The following NTM variants were observed in gnomAD, a reference collection of about 807,000 sequenced individuals.
The protein encoded by NTM is neurotrimin, also known as IgLON family member 2.
NTM carries 13 observed loss-of-function variants against 42.1 expected under a neutral mutation model. The ratio of observed to expected loss-of-function variants is 0.31; its 90% CI spans 0.20 to 0.49. The LOEUF is 0.49. Ranked by LOEUF, NTM falls within the 20% of genes least tolerant of loss-of-function variation. The pLI is 0.99. For missense variants in NTM, 373 were observed against 452.8 expected (o/e 0.82, Z 1.60); for synonymous variants, 187 against 179.2 (o/e 1.04, Z -0.35).
intron 1 of NTM, among the ~76,000 whole-genome samples, chr11:131,861,379 C>T (rs896855231): frequency 2.6e-5 from 4 of 152,184 alleles, no homozygotes; most frequent in African/African-American, 9.7e-5. Context: ...GGCCCCTCCC[C>T]CTCCCTGGGA....
rs55988054 is a variant in NTM at position 132,074,540 on chromosome 11, CTT to C, written c.168-71732_168-71731del. 2.6e-4 allele frequency among the ~76,000 whole-genome samples: 38 copies of C among 147,884 alleles called. 1 individual carries two copies. The highest frequency in any genetic ancestry group is 3.5e-3 in the Middle Eastern group (1 of 282). On this transcript the variant is annotated intron_variant, in intron 2 of 8. Transcript: ENST00000683400. ...TAGCTGCTTGTTGATTTAATAACAGCTTTTTTTTTTTAGGATTAAGAGAAATA... is the reference window on the plus strand; with the variant it reads ...TAGCTGCTTGTTGATTTAATAACAGCTTTTTTTTTAGGATTAAGAGAAATA...
chr11:131,672,874 GCC>G (rs1293316754), intron 1 of NTM, among the ~76,000 whole-genome samples: 6 of 100,232 alleles, frequency 6.0e-5, no homozygotes, highest in Non-Finnish European at 9.8e-5. Flanking sequence ...CGTGTTCCTT[GCC>G]TATTTCCCTT....
chr11:132,010,590 T>A (rs753332129), intron 2 of NTM, among the ~76,000 whole-genome samples: 14 of 150,230 alleles, frequency 9.3e-5, no homozygotes, highest in Non-Finnish European at 2.1e-4. Context: ...CATTTGAAGC[T>A]CTTTATTAAG....
At chr11:131,658,610 T>A (rs1193265615) in intron 1 of NTM, among the ~76,000 whole-genome samples, 1 of 152,222 alleles carries the variant, frequency 6.6e-6, no homozygotes, top group African/African-American at 2.4e-5. Flanking sequence ...TAGAGGTTCC[T>A]GGTCTGCGGA....
chr11:131,421,811 T>G (rs1265332733), intron 1 of NTM, among the ~76,000 whole-genome samples: 1 of 152,230 alleles, frequency 6.6e-6, no homozygotes, highest in Non-Finnish European at 1.5e-5. Flanking sequence ...GGGTTAGCTA[T>G]TTTCTTCTTA....
intron 1 of NTM, among the ~76,000 whole-genome samples, chr11:131,732,355 C>T (rs568132334): frequency 9.8e-5 from 15 of 152,312 alleles, no homozygotes; most frequent in African/African-American, 3.6e-4. Context: ...TGTAATCCAT[C>T]ACCTTTTTAC....
At chr11:131,387,735 A>C (rs1943497729) in intron 1 of NTM, among the ~76,000 whole-genome samples, 1 of 152,190 alleles carries the variant, frequency 6.6e-6, no homozygotes, top group Non-Finnish European at 1.5e-5. Flanking sequence ...GGTACCCCAT[A>C]AATACACACA....
intron 1 of NTM, among the ~76,000 whole-genome samples, chr11:131,385,683 T>A (rs1046547329): frequency 1.3e-5 from 2 of 152,024 alleles, no homozygotes; most frequent in Non-Finnish European, 2.9e-5. Context: ...AAAAATCTCA[T>A]CTCTACAAAA....
intron 1 of NTM, among the ~76,000 whole-genome samples, chr11:131,707,364 C>T (rs552442541): frequency 1.3e-5 from 2 of 152,086 alleles, no homozygotes; most frequent in South Asian, 2.1e-4. Context: ...TCATTGTGTG[C>T]ATATGTCACA....
intron 1 of NTM, among the ~76,000 whole-genome samples, chr11:131,511,113 G>A (rs539077561): frequency 6.6e-5 from 10 of 152,344 alleles, no homozygotes; most frequent in African/African-American, 2.2e-4. Flanking sequence ...GGGGGACAGT[G>A]TCCTGTGCTC....
chr11:131,948,406 G>T (rs541598591), intron 2 of NTM, among the ~76,000 whole-genome samples: 2 of 60,798 alleles, frequency 3.3e-5, no homozygotes, highest in South Asian at 1.1e-3. Context: ...AAGAAGTGAA[G>T]CCCAATCATT....
At chr11:132,069,190 T>A (rs1403301467) in intron 2 of NTM, among the ~76,000 whole-genome samples, 1 of 149,752 alleles carries the variant, frequency 6.7e-6, no homozygotes, top group East Asian at 2.0e-4. Flanking sequence ...ACAGCCAAGT[T>A]AACACGTCAA....
At chr11:132,252,436 G>A (rs1290585479) in intron 4 of NTM, among the ~76,000 whole-genome samples, 1 of 152,114 alleles carries the variant, frequency 6.6e-6, no homozygotes, top group Admixed American at 6.5e-5. Context: ...AGAGCAGAGA[G>A]TCCCCAAAAA....
At chr11:131,792,435 T>A (rs535115025) in intron 1 of NTM, among the ~76,000 whole-genome samples, 1 of 152,108 alleles carries the variant, frequency 6.6e-6, no homozygotes. Flanking sequence ...TGGTGGTGAC[T>A]CACCAGCCAA....
chr11:131,428,098 G>A (rs1340383493), intron 1 of NTM, among the ~76,000 whole-genome samples: 3 of 152,164 alleles, frequency 2.0e-5, no homozygotes, highest in African/African-American at 7.2e-5. Context: ...CATTAAACAT[G>A]TGGACTTGAA....
At chr11:131,607,056 C>T (rs918265933) in intron 1 of NTM, among the ~76,000 whole-genome samples, 6 of 152,138 alleles carry the variant, frequency 3.9e-5, no homozygotes, top group South Asian at 4.1e-4. Flanking sequence ...CCCTGAGTAC[C>T]GCAGGATCTG....
intron 3 of NTM, among the ~76,000 whole-genome samples, chr11:132,184,539 C>G (rs896477118): frequency 1.3e-5 from 2 of 152,142 alleles, no homozygotes; most frequent in Non-Finnish European, 2.9e-5. Flanking sequence ...TTCTTTCCTG[C>G]AGACCCCCAC....
At chr11:131,647,059 G>A (rs950847410) in intron 1 of NTM, among the ~76,000 whole-genome samples, 18 of 152,144 alleles carry the variant, frequency 1.2e-4, no homozygotes, top group Admixed American at 7.2e-4. Context: ...TTTACTCTTC[G>A]TACCCTGGCT....
chr11:132,223,419 G>C (rs1321224449), intron 4 of NTM, among the ~76,000 whole-genome samples: 1 of 152,162 alleles, frequency 6.6e-6, no homozygotes, highest in Non-Finnish European at 1.5e-5. Context: ...CCTCATAAAA[G>C]GCGGACTGAC....
Sources: allele counts gnomAD v4.1 joint callset (sites outside exome capture counted in the v4.1 genomes callset), GRCh38; gene constraint gnomAD v4.1.1; transcripts MANE v1.5; gene names NCBI Gene and HGNC (gene_info 2026-07-23, HGNC 2026-07-21).